TMEM108: variants seen among roughly 807,000 people sequenced by gnomAD.
TMEM108 encodes transmembrane protein 108.
Under a neutral mutation model 35.1 loss-of-function variants are expected in TMEM108, and 12 were observed. The observed-to-expected ratio is 0.34, with a 90% CI of 0.22 to 0.55. The LOEUF (loss-of-function observed/expected upper bound fraction) is 0.55, where lower values mean the gene tolerates loss of function less well. Among genes scored for constraint, TMEM108 ranks in the 20% least tolerant of loss-of-function variants. The probability of loss-of-function intolerance (pLI) is 0.89; values close to 1 mark genes in which losing one functional copy is unlikely to be tolerated. For synonymous variants in TMEM108, 287 were observed against 308.6 expected (o/e 0.93, Z 0.73); for missense variants, 680 against 753.3 (o/e 0.90, Z 1.14).
intron 2 of TMEM108, among the ~76,000 whole-genome samples, chr3:133,208,706 T>A (rs759150606): frequency 2.6e-5 from 4 of 152,138 alleles, no homozygotes; most frequent in Non-Finnish European, 4.4e-5. Flanking sequence ...TCACATTACA[T>A]CCAAAACTGT....
intron 2 of TMEM108, among the ~76,000 whole-genome samples, chr3:133,110,092 G>GT (rs1313945790): frequency 1.3e-5 from 2 of 152,058 alleles, no homozygotes; most frequent in Admixed American, 6.6e-5. Flanking sequence ...TGTTTTGCCT[G>GT]TTTTTTTCTC....
intron 2 of TMEM108, among the ~76,000 whole-genome samples, chr3:133,127,712 C>T (rs376748716): frequency 3.3e-5 from 5 of 152,142 alleles, no homozygotes; most frequent in Non-Finnish European, 7.3e-5. Flanking sequence ...TGGTTATAGG[C>T]CCCCTTTATC....
At chr3:133,060,768 G>A (rs79216844) in intron 2 of TMEM108, among the ~76,000 whole-genome samples, 7,554 of 152,174 alleles carry the variant, frequency 0.05, 250 homozygotes, top group African/African-American at 0.081. Flanking sequence ...CAGCAATTCA[G>A]CTTCTAGTAT....
chr3:133,290,765 T>C (rs999788145), intron 3 of TMEM108, among the ~76,000 whole-genome samples: 2 of 152,036 alleles, frequency 1.3e-5, no homozygotes, highest in African/African-American at 4.8e-5. Flanking sequence ...GAAAATGGCG[T>C]GTAACTTTTT....
At chr3:133,216,345 G>T (rs1945908496) in intron 2 of TMEM108, among the ~76,000 whole-genome samples, 2 of 151,970 alleles carry the variant, frequency 1.3e-5, no homozygotes, top group South Asian at 4.2e-4. Flanking sequence ...TATGGTCCAG[G>T]TTACTCATAT....
chr3:133,088,313 G>C (rs11710699), intron 2 of TMEM108, among the ~76,000 whole-genome samples: 51 of 151,954 alleles, frequency 3.4e-4, no homozygotes, highest in Admixed American at 8.5e-4. Flanking sequence ...GGACCTTCAC[G>C]AATGGGAGGA....
At chr3:133,179,538 C>A (rs369931888) in intron 2 of TMEM108, among the ~76,000 whole-genome samples, 1 of 152,014 alleles carries the variant, frequency 6.6e-6, no homozygotes, top group Non-Finnish European at 1.5e-5. Flanking sequence ...CCATCATTCT[C>A]AGCAAACTAT....
intron 2 of TMEM108, among the ~76,000 whole-genome samples, chr3:133,079,796 G>A (rs900432104): frequency 2.2e-4 from 34 of 152,302 alleles, no homozygotes; most frequent in African/African-American, 7.0e-4. Context: ...GCTTGAAAGC[G>A]AGGAATAAGG....
At chr3:133,087,324 T>A (rs1943896118) in intron 2 of TMEM108, among the ~76,000 whole-genome samples, 1 of 152,186 alleles carries the variant, frequency 6.6e-6, no homozygotes, top group Non-Finnish European at 1.5e-5. Context: ...TCTGTCCTAT[T>A]TAGATGTGAT....
intron 1 of TMEM108, among the ~76,000 whole-genome samples, chr3:133,045,022 C>T (rs1052880775): frequency 2.0e-5 from 3 of 149,780 alleles, no homozygotes; most frequent in Non-Finnish European, 3.0e-5. Flanking sequence ...GGCTGGAGTG[C>T]AGTGGCGTGA....
intron 3 of TMEM108, among the ~76,000 whole-genome samples, chr3:133,317,196 AC>A (rs1190006076): frequency 6.6e-5 from 10 of 152,318 alleles, no homozygotes; most frequent in African/African-American, 2.4e-4. Flanking sequence ...ATTCAATGAT[AC>A]GGACGTTGAA....
chr3:133,099,421 T>C (rs1208220742), intron 2 of TMEM108, among the ~76,000 whole-genome samples: 2 of 152,206 alleles, frequency 1.3e-5, no homozygotes, highest in Non-Finnish European at 2.9e-5. Context: ...TTCCCCGTGG[T>C]CTTGGGGATT....
chr3:133,209,587 T>C (rs1945807035), intron 2 of TMEM108, among the ~76,000 whole-genome samples: 1 of 152,118 alleles, frequency 6.6e-6, no homozygotes, highest in African/African-American at 2.4e-5. Context: ...ATGGATCTCC[T>C]GGCTTACTGC....
At chr3:133,318,318 T>A (rs2071223475) in intron 3 of TMEM108, among the ~76,000 whole-genome samples, 2 of 152,114 alleles carry the variant, frequency 1.3e-5, no homozygotes, top group African/African-American at 4.8e-5. Flanking sequence ...GGAGGAAAAA[T>A]GGGGATAGTA....
In TMEM108 at chr3:133,049,256, C is replaced by T. The variant is rs1398320129; in HGVS notation, c.-47+3236C>T. Among the ~76,000 whole-genome samples the T allele has an allele frequency of 2.0e-5, 3 of 152,130 alleles. No homozygotes were observed. The East Asian group carries it at 5.8e-4, about 29-fold the overall frequency. On this transcript the variant is annotated intron_variant, in intron 2 of 5. Coordinates refer to ENST00000321871, the MANE Select transcript of TMEM108 (RefSeq NM_023943.4). ...TTTCCTGCATTGTCTAATACAGTAGCCACTAGCCACATGTGGCTTTTTCTT... is the reference window on the plus strand; with the variant it reads ...TTTCCTGCATTGTCTAATACAGTAGTCACTAGCCACATGTGGCTTTTTCTT...
chr3:133,394,827 ACTC>A (rs3054632), intron 5 of TMEM108, among the ~76,000 whole-genome samples: 49,045 of 152,006 alleles, frequency 0.32, 8,812 homozygotes, highest in East Asian at 0.43. Flanking sequence ...AGCAGTAAGT[ACTC>A]CTCAGAAAGT....
At chr3:133,096,654 T>C (rs1271711520) in intron 2 of TMEM108, among the ~76,000 whole-genome samples, 28 of 152,240 alleles carry the variant, frequency 1.8e-4, no homozygotes, top group Admixed American at 1.6e-3. Context: ...TTAAAATAGA[T>C]GACAGATGGT....
chr3:133,384,920 C>T (rs944036544), intron 4 of TMEM108, among the ~76,000 whole-genome samples: 2 of 152,156 alleles, frequency 1.3e-5, no homozygotes, highest in Admixed American at 6.5e-5. Flanking sequence ...TCAAGTTCAC[C>T]CTGGCCAAAG....
intron 2 of TMEM108, among the ~76,000 whole-genome samples, chr3:133,113,462 A>G (rs1222082498): frequency 1.3e-5 from 2 of 152,182 alleles, no homozygotes; most frequent in South Asian, 2.1e-4. Context: ...TTAAATACTG[A>G]TGGTCATCTA....
Sources: allele counts gnomAD v4.1 joint callset (sites outside exome capture counted in the v4.1 genomes callset), GRCh38; gene constraint gnomAD v4.1.1; transcripts MANE v1.5; gene names NCBI Gene and HGNC (gene_info 2026-07-23, HGNC 2026-07-21).